ADK: variants seen among roughly 807,000 people sequenced by gnomAD.
ADK encodes the protein adenosine kinase.
Under a neutral mutation model 44.7 loss-of-function variants are expected in ADK, and 24 were observed. The ratio of observed to expected loss-of-function variants is 0.54; its 90% CI spans 0.39 to 0.76. The LOEUF is 0.76. Among genes scored for constraint, ADK ranks in the 30% least tolerant of loss-of-function variants. The pLI is 0.00. For missense variants in ADK, 321 were observed against 425.1 expected, an observed-to-expected ratio of 0.76 and a Z score of 2.15; for synonymous variants, 128 against 142.6, an observed-to-expected ratio of 0.90 and a Z score of 0.73.
chr10:74,461,733 A>G (rs754001246), intron 6 of ADK, among the ~76,000 whole-genome samples: 14 of 152,072 alleles, frequency 9.2e-5, no homozygotes, highest in African/African-American at 1.4e-4. Flanking sequence ...TTCAGTATGC[A>G]TATCTTCTGT....
intron 4 of ADK, among the ~76,000 whole-genome samples, chr10:74,393,390 A>C (rs1843404436): frequency 6.6e-6 from 1 of 152,228 alleles, no homozygotes; most frequent in Non-Finnish European, 1.5e-5. Flanking sequence ...GCATCTTACA[A>C]GAAATCCATT....
chr10:74,513,410 G>A (rs1848426404), intron 6 of ADK, among the ~76,000 whole-genome samples: 1 of 152,032 alleles, frequency 6.6e-6, no homozygotes, highest in Non-Finnish European at 1.5e-5. Flanking sequence ...ACATATCTGG[G>A]TGCTTCAGTA....
intron 8 of ADK, among the ~76,000 whole-genome samples, chr10:74,598,353 G>A (rs868352342): frequency 2.7e-5 from 4 of 147,608 alleles, no homozygotes; most frequent in Admixed American, 6.8e-5. Context: ...TGAGACATAA[G>A]AAACATTTCT....
chr10:74,355,847 A>C (rs1842118550), intron 4 of ADK, among the ~76,000 whole-genome samples: 1 of 152,062 alleles, frequency 6.6e-6, no homozygotes, highest in Non-Finnish European at 1.5e-5. Flanking sequence ...TTCAATTCTC[A>C]GGCATAGTGC....
rs187587259 is a variant in ADK, at chr10:74,592,783, A to C, written c.762+3466A>C. ...ATGGAATTGTGCTATCCAATACAGC[A>C]TCTACTAGCCACATGTGGCTATTTA... is the stretch of plus-strand genomic sequence containing the variant. On this transcript the variant is annotated intron_variant, in intron 8 of 10. Coordinates refer to ENST00000539909, the MANE Select transcript of ADK (RefSeq NM_006721.4). Among the ~76,000 whole-genome samples the C allele has an allele frequency of 9.4e-4, 143 of 152,312 alleles. 1 individual carries two copies. The East Asian group carries it at 0.019, about 21-fold the overall frequency.
intron 6 of ADK, among the ~76,000 whole-genome samples, chr10:74,515,633 G>A (rs954596385): frequency 6.6e-6 from 1 of 152,256 alleles, no homozygotes; most frequent in South Asian, 2.1e-4. Flanking sequence ...GCGTGCCTAT[G>A]GGGGACCTGT....
chr10:74,232,544 CCG>C (rs1844807104), intron 3 of ADK, among the ~76,000 whole-genome samples: 2 of 94,196 alleles, frequency 2.1e-5, no homozygotes, highest in South Asian at 4.1e-4. Context: ...AACAACCCCC[CCG>C]CACCCCCCCC....
At chr10:74,569,660 A>G (rs982483800) in intron 7 of ADK, among the ~76,000 whole-genome samples, 1 of 152,088 alleles carries the variant, frequency 6.6e-6, no homozygotes, top group African/African-American at 2.4e-5. Flanking sequence ...TTCATTGTAG[A>G]TTCTGGATAT....
intron 2 of ADK, among the ~76,000 whole-genome samples, chr10:74,206,337 A>G (rs1843596319): frequency 6.6e-6 from 1 of 152,196 alleles, no homozygotes; most frequent in Admixed American, 6.5e-5. Flanking sequence ...AATGTTTTGT[A>G]TTGTTTTGAA....
chr10:74,429,681 G>A (rs1045309846), intron 6 of ADK, among the ~76,000 whole-genome samples: 1 of 152,136 alleles, frequency 6.6e-6, no homozygotes, highest in African/African-American at 2.4e-5. Flanking sequence ...ACCATAATCA[G>A]TTATACAAAT....
chr10:74,550,527 C>T (rs983005604), intron 7 of ADK, among the ~76,000 whole-genome samples: 11 of 152,150 alleles, frequency 7.2e-5, no homozygotes, highest in African/African-American at 2.7e-4. Flanking sequence ...TCTGGTTTTG[C>T]CTCTCCCCTC....
intron 3 of ADK, among the ~76,000 whole-genome samples, chr10:74,248,473 C>T (rs1241367423): frequency 1.3e-5 from 2 of 152,088 alleles, no homozygotes; most frequent in African/African-American, 4.8e-5. Context: ...ATTCTCATGC[C>T]TTTGCCTCCC....
chr10:74,380,765 A>G (rs1004785446), intron 4 of ADK, among the ~76,000 whole-genome samples: 2 of 152,140 alleles, frequency 1.3e-5, no homozygotes, highest in African/African-American at 4.8e-5. Flanking sequence ...CTCAAAAAAA[A>G]ACACATTTTT....
chr10:74,242,414 G>A (rs1845247983), intron 3 of ADK, among the ~76,000 whole-genome samples: 1 of 152,284 alleles, frequency 6.6e-6, no homozygotes, highest in South Asian at 2.1e-4. Context: ...CCTAGCACGG[G>A]GTAACACAGT....
intron 1 of ADK, among the ~76,000 whole-genome samples, chr10:74,151,917 C>T (rs1017850259): frequency 6.6e-6 from 1 of 152,206 alleles, no homozygotes; most frequent in Non-Finnish European, 1.5e-5. Flanking sequence ...GTTGATTTCT[C>T]TTTTTTATTT....
At chr10:74,413,553 G>T (rs1251520082) in intron 6 of ADK, among the ~76,000 whole-genome samples, 1 of 152,224 alleles carries the variant, frequency 6.6e-6, no homozygotes, top group East Asian at 1.9e-4. Flanking sequence ...ATTGAAAAGA[G>T]TTAAGGTTGT....
At chr10:74,213,004 A>G (rs1236774171) in intron 2 of ADK, among the ~76,000 whole-genome samples, 2 of 152,304 alleles carry the variant, frequency 1.3e-5, no homozygotes, top group African/African-American at 4.8e-5. Flanking sequence ...GGCTTGAAAG[A>G]TTGAATTGAG....
intron 7 of ADK, among the ~76,000 whole-genome samples, chr10:74,556,043 G>A (rs1018351394): frequency 6.6e-6 from 1 of 152,126 alleles, no homozygotes; most frequent in Non-Finnish European, 1.5e-5. Flanking sequence ...TCTTAAATGG[G>A]GAAGGCATTA....
intron 4 of ADK, among the ~76,000 whole-genome samples, chr10:74,333,984 TC>T (rs1340090335): frequency 2.0e-5 from 3 of 152,180 alleles, no homozygotes; most frequent in Non-Finnish European, 2.9e-5. Flanking sequence ...ATACTTTTTT[TC>T]AAAAGTATTT....
Sources: gnomAD v4.1 joint callset for allele counts (sites outside exome capture counted in the v4.1 genomes callset) on GRCh38, gnomAD v4.1.1 for gene constraint, MANE v1.5 for transcripts, NCBI Gene and HGNC (gene_info 2026-07-23, HGNC 2026-07-21) for gene names.